NETO1: variants seen among roughly 807,000 people sequenced by gnomAD.
NETO1 encodes neuropilin and tolloid like 1.
NETO1 carries 26 observed loss-of-function variants against 61.3 expected under a neutral mutation model. That is an observed-to-expected ratio of 0.42 (90% CI 0.31 to 0.59). NETO1 has a LOEUF of 0.59. Ranked by LOEUF, NETO1 falls within the 20% of genes least tolerant of loss-of-function variation. The pLI is 0.12. For synonymous variants in NETO1, 225 were observed against 225.8 expected, an observed-to-expected ratio of 1.00 and a Z score of 0.03; for missense variants, 531 against 662.8, an observed-to-expected ratio of 0.80 and a Z score of 2.18.
At chr18:72,808,519 C>T (rs1186171708) in intron 4 of NETO1, among the ~76,000 whole-genome samples, 4 of 151,626 alleles carry the variant, frequency 2.6e-5, no homozygotes, top group Non-Finnish European at 5.9e-5. Flanking sequence ...CCAATTATGC[C>T]ACTGTAAACT....
chr18:72,772,963 T>C (rs920224427), intron 7 of NETO1, among the ~76,000 whole-genome samples: 1 of 150,266 alleles, frequency 6.7e-6, no homozygotes, highest in African/African-American at 2.4e-5. Context: ...ACAGTATTTC[T>C]GCTGAGGAAA....
intron 1 of NETO1, chr18:72,865,473 C>T: frequency 7.1e-7 from 1 of 1,404,110 alleles, no homozygotes; most frequent in Non-Finnish European, 9.9e-7. Context: ...ACCCAAACTC[C>T]TAAGGCAAAT....
In NETO1 at chr18:72,749,088, C is replaced by T; in HGVS notation, c.1542G>A (p.Arg514=). Residue 514 remains arginine, a splice_region_variant and synonymous_variant, in exon 10 of 11, where the codon CGG becomes CGA. Coordinates refer to ENST00000327305, the MANE Select transcript of NETO1 (RefSeq NM_138966.5). The stretch of plus-strand genomic sequence containing the variant: ...TGCTTAGAGACCCAATGAGGCAGAA[C>T]CTGGAATGTTATGGCTATTTCATTC... ...RLSRHDKAVQ[R]FCLIGSLSKH... 1 of 1,584,586 alleles carries T rather than the reference C, an allele frequency of 6.3e-7. No homozygotes were observed. Among genetic ancestry groups the T allele is most frequent in the Non-Finnish European group, 8.7e-7 (1 of 1,153,644 alleles).
chr18:72,761,901 T>C (rs1394990069), intron 7 of NETO1, among the ~76,000 whole-genome samples: 1 of 152,194 alleles, frequency 6.6e-6, no homozygotes, highest in Non-Finnish European at 1.5e-5. Flanking sequence ...ATATGGTATG[T>C]TAGTTTTGGT....
chr18:72,749,861 C>T (rs2070533418), intron 9 of NETO1, among the ~76,000 whole-genome samples: 1 of 151,938 alleles, frequency 6.6e-6, no homozygotes, highest in Non-Finnish European at 1.5e-5. Context: ...CACACACATA[C>T]ATATCGTGCA....
intron 8 of NETO1, among the ~76,000 whole-genome samples, chr18:72,752,867 G>T (rs1048851954): frequency 6.6e-6 from 1 of 152,124 alleles, no homozygotes; most frequent in Non-Finnish European, 1.5e-5. Flanking sequence ...TTACTAACAT[G>T]ATAACTTCCT....
intron 7 of NETO1, among the ~76,000 whole-genome samples, chr18:72,759,754 T>C (rs1487977556): frequency 6.6e-6 from 1 of 152,218 alleles, no homozygotes; most frequent in African/African-American, 2.4e-5. Context: ...TCGACCAATT[T>C]ACATAAGACT....
intron 6 of NETO1, among the ~76,000 whole-genome samples, chr18:72,787,159 C>T (rs1449198775): frequency 2.7e-5 from 4 of 149,972 alleles, no homozygotes; most frequent in Non-Finnish European, 5.9e-5. Context: ...ATTATACAAA[C>T]ATGTTAAGTG....
intron 4 of NETO1, among the ~76,000 whole-genome samples, chr18:72,843,232 C>T (rs2073987223): frequency 6.6e-6 from 1 of 152,208 alleles, no homozygotes; most frequent in Admixed American, 6.5e-5. Context: ...ATATTGTTAA[C>T]TTTACTGTGC....
At chr18:72,851,656 G>A (rs921794202) in intron 4 of NETO1, among the ~76,000 whole-genome samples, 90 of 152,164 alleles carry the variant, frequency 5.9e-4, no homozygotes, top group African/African-American at 2.0e-3. Flanking sequence ...AAGGAGAGAC[G>A]AAAAACCATC....
chr18:72,813,853 T>A (rs1365914725), intron 4 of NETO1, among the ~76,000 whole-genome samples: 3 of 151,968 alleles, frequency 2.0e-5, no homozygotes, highest in Non-Finnish European at 2.9e-5. Flanking sequence ...GCATGAAATA[T>A]TTAAAGAGAT....
intron 4 of NETO1, among the ~76,000 whole-genome samples, chr18:72,854,968 C>A (rs1474489130): frequency 6.6e-6 from 1 of 152,144 alleles, no homozygotes; most frequent in Non-Finnish European, 1.5e-5. Flanking sequence ...TTTATCACAA[C>A]ATATTTTCTA....
rs759377921 is a variant in NETO1, at chr18:72,783,793, A to G, written c.753T>C (p.Cys251=). ...GCATGACATCATTAGCCACAGTGCT[A>G]CAGAACTTAGCTTTCAAATCCTCCA... ...SSVEDLKAKF[C]STVANDVMLR... is the part of the protein sequence containing the mutation. Residue 251 remains cysteine (C), a synonymous_variant, in exon 7 of 11, where the codon TGT becomes TGC. Transcript: ENST00000327305. The G allele has an allele frequency of 1.2e-6, 2 of 1,614,216 alleles. No homozygotes were observed. Among genetic ancestry groups the G allele is most frequent in the Admixed American group, 3.3e-5 (2 of 60,024 alleles).
Position 72,758,385 on chromosome 18 carries a change from T to TTGTGTA in NETO1, c.869-2239_869-2238insTACACA, listed in dbSNP as rs374378850. Among the ~76,000 whole-genome samples the TTGTGTA allele has an allele frequency of 1.2e-3, 167 of 142,910 alleles. 1 individual carries two copies. The highest frequency in any genetic ancestry group is 4.0e-3 in the African/African-American group (154 of 38,504). 93.8% of individuals were successfully genotyped at this position (142,910 alleles called of 152,430 possible). A position where few individuals can be genotyped will look rare whatever the true frequency, so the allele number is the denominator to read the frequency against. ...TTTGTTTGTGGTGCTTTTTTTTTCTTTGTGTGTGTGTGTGTGTGTGTGTGT... is the reference window on the plus strand; with the variant it reads ...TTTGTTTGTGGTGCTTTTTTTTTCTTTGTGTATGTGTGTGTGTGTGTGTGTGTGTGT... On this transcript the variant is annotated intron_variant, in intron 7 of 10. Coordinates refer to ENST00000327305, the MANE Select transcript of NETO1 (RefSeq NM_138966.5).
At chr18:72,793,748 T>G (rs933040585) in intron 6 of NETO1, among the ~76,000 whole-genome samples, 1 of 152,168 alleles carries the variant, frequency 6.6e-6, no homozygotes, top group African/African-American at 2.4e-5. Context: ...CGTCTACAGA[T>G]AGAATTTTAG....
intron 6 of NETO1, among the ~76,000 whole-genome samples, chr18:72,792,822 C>G (rs2072171204): frequency 1.3e-5 from 2 of 151,896 alleles, no homozygotes; most frequent in Admixed American, 1.3e-4. Context: ...AATTACATTA[C>G]TCCTGAAAAA....
intron 4 of NETO1, among the ~76,000 whole-genome samples, chr18:72,833,575 C>A (rs2073647968): frequency 6.6e-6 from 1 of 152,128 alleles, no homozygotes; most frequent in Admixed American, 6.6e-5. Flanking sequence ...CTCACTAACT[C>A]CCTGTTGCTC....
intron 2 of NETO1, 77 bp from the exon 3 acceptor site, chr18:72,865,022 A>AT: frequency 6.7e-7 from 1 of 1,485,816 alleles, no homozygotes; most frequent in South Asian, 1.3e-5. Context: ...GGACATTCTT[A>AT]TAATATCCAT....
chr18:72,775,353 C>T (rs956678796), intron 7 of NETO1, among the ~76,000 whole-genome samples: 1 of 152,190 alleles, frequency 6.6e-6, no homozygotes, highest in Non-Finnish European at 1.5e-5. Flanking sequence ...GAACTTCATA[C>T]CTCCTTTATA....
Sources: allele counts gnomAD v4.1 joint callset (sites outside exome capture counted in the v4.1 genomes callset), GRCh38; gene constraint gnomAD v4.1.1; transcripts MANE v1.5; gene names NCBI Gene and HGNC (gene_info 2026-07-23, HGNC 2026-07-21).